ARHGAP40: variants seen among roughly 807,000 people sequenced by gnomAD.
ARHGAP40 encodes the protein rho GTPase-activating protein 40.
A neutral mutation model predicts 73.5 loss-of-function variants in ARHGAP40; 43 were observed. The observed-to-expected ratio is 0.58, with a 90% CI of 0.46 to 0.75. The LOEUF (loss-of-function observed/expected upper bound fraction) is 0.75. Ranked by LOEUF, ARHGAP40 falls within the 30% of genes least tolerant of loss-of-function variation. ARHGAP40 has a pLI of 0.00. For missense variants in ARHGAP40, 734 were observed against 861.8 expected (o/e 0.85, Z 1.86); for synonymous variants, 300 against 352.8 (o/e 0.85, Z 1.68).
intron 9 of ARHGAP40, 147 bp downstream of exon 9, chr20:38,639,533 G>A (rs2089001035): frequency 1.0e-6 from 1 of 953,476 alleles, no homozygotes; most frequent in Admixed American, 3.2e-5. Context: ...GAAGAAGCAA[G>A]TGTGAACATG....
exon 1 of ARHGAP40, chr20:38,601,862 C>T: frequency 7.8e-7 from 1 of 1,277,572 alleles, no homozygotes; most frequent in Non-Finnish European, 1.0e-6. Flanking sequence ...CCCTACCTCA[C>T]TCCTCCCTCT....
chr20:38,636,267 T>A (rs6026952), intron 6 of ARHGAP40, among the ~76,000 whole-genome samples: 7,823 of 149,954 alleles, frequency 0.052, 695 homozygotes, highest in African/African-American at 0.18. Context: ...TTTATTTATT[T>A]TTTTTTTTTT....
At chr20:38,641,848 G>T in intron 10 of ARHGAP40, 40 bp downstream of exon 10, 11 of 1,229,082 alleles carry the variant, frequency 8.9e-6, no homozygotes, top group Non-Finnish European at 1.2e-5. Context: ...TGCCATCTCA[G>T]CCCACAGCCA....
intron 5 of ARHGAP40, among the ~76,000 whole-genome samples, chr20:38,631,631 C>T (rs933230492): frequency 5.3e-5 from 8 of 152,100 alleles, no homozygotes; most frequent in African/African-American, 1.9e-4. Context: ...TGAGATTTGG[C>T]GGGGGACATA....
At chr20:38,608,708 C>T (rs557719594) in intron 1 of ARHGAP40, among the ~76,000 whole-genome samples, 9 of 151,970 alleles carry the variant, frequency 5.9e-5, no homozygotes, top group African/African-American at 1.4e-4. Context: ...GCCGTTGGGG[C>T]GGTGAAAAAG....
In ARHGAP40 at chr20:38,605,429, A is replaced by G. The variant is rs150538591; in HGVS notation, c.137+3350A>G. On this transcript the variant is annotated intron_variant, in intron 1 of 14. Coordinates refer to ENST00000373345, the Ensembl canonical transcript of ARHGAP40. The stretch of plus-strand genomic sequence containing the variant: ...AATAGAGTCAATGTTGTCATCAAAC[A>G]GAACATCCCATAATGTGAGGGGGAC... Among the ~76,000 whole-genome samples, 399 of 152,330 alleles carry G rather than the reference A, an allele frequency of 2.6e-3. 3 individuals carry two copies. Among genetic ancestry groups the G allele is most frequent in the African/African-American group, 9.0e-3 (375 of 41,574 alleles).
intron 1 of ARHGAP40, among the ~76,000 whole-genome samples, chr20:38,603,419 A>G (rs988831441): frequency 6.1e-5 from 6 of 98,334 alleles, no homozygotes; most frequent in Non-Finnish European, 1.1e-4. Flanking sequence ...CTATCTATCT[A>G]TCTATCTATC....
chr20:38,615,004 TG>T, intron 1 of ARHGAP40: 1 of 1,187,972 alleles, frequency 8.4e-7, no homozygotes, highest in Non-Finnish European at 1.3e-6. Flanking sequence ...AAAGTCCCGC[TG>T]GGGTTGATCT....
At chr20:38,632,515 C>T (rs569944864) in intron 5 of ARHGAP40, among the ~76,000 whole-genome samples, 21 of 152,048 alleles carry the variant, frequency 1.4e-4, no homozygotes, top group Admixed American at 3.3e-4. Flanking sequence ...CCAGCCTCGG[C>T]CTCCCAAAGT....
In ARHGAP40 at chr20:38,646,015, C is replaced by G. The variant is rs1341977149; in HGVS notation, c.1570-32C>G. ...TGCCTCTCGCCCCCAGAAGTCCTAT[C>G]CCCCTGCCAAAACTTGATCCTTTCT... On this transcript the variant is annotated intron_variant, in intron 11 of 14. Transcript: ENST00000373345. The surrounding 1 kb of genome is among the most constrained non-coding windows in gnomAD (Gnocchi z 4.5). 1 of 1,281,572 alleles carries G rather than the reference C, an allele frequency of 7.8e-7. No individual in the cohort carries two copies. Among genetic ancestry groups the G allele is most frequent in the African/African-American group, 1.5e-5 (1 of 65,212 alleles). 79.4% of individuals were successfully genotyped at this position (1,281,572 alleles called of 1,614,324 possible).
rs777778502 is a variant in ARHGAP40 at position 38,637,741 on chromosome 20, TGCTAGAA to T, written c.987_993del (p.Glu330ThrfsTer100). 3.1e-6 allele frequency: 4 copies of T among 1,305,218 alleles called. No homozygotes were observed. The highest frequency in any genetic ancestry group is 4.0e-6 in the Non-Finnish European group (4 of 988,936). The allele number at this position is 1,305,218 out of a possible 1,614,324, so 80.9% of individuals were successfully genotyped here. A position where few individuals can be genotyped will look rare whatever the true frequency, so the allele number is the denominator to read the frequency against. ...CTCTTTGGTGTGCCCCTTGACAGCCTGCTAGAAGCTGACCACAAAGTCCTCCCCAGCA... is the reference window on the plus strand; with the variant it reads ...CTCTTTGGTGTGCCCCTTGACAGCCTGCTGACCACAAAGTCCTCCCCAGCA... On this transcript the variant is annotated frameshift_variant, in exon 7 of 15. Coordinates refer to ENST00000373345, the Ensembl canonical transcript of ARHGAP40. LOFTEE classifies it high-confidence loss of function.
At chr20:38,621,538 T>C (rs2088873576) in intron 1 of ARHGAP40, among the ~76,000 whole-genome samples, 1 of 152,170 alleles carries the variant, frequency 6.6e-6, no homozygotes, top group Non-Finnish European at 1.5e-5. Context: ...TTGGCTGACA[T>C]GAGCCCAAAA....
At chr20:38,643,633 A>T in intron 10 of ARHGAP40, 71 bp from the exon 11 acceptor site, 3 of 1,204,526 alleles carry the variant, frequency 2.5e-6, no homozygotes, top group Non-Finnish European at 3.3e-6. Flanking sequence ...ATTCATCAGA[A>T]TGCCCTGGGG....
At chr20:38,614,841 C>G in intron 1 of ARHGAP40, 1 of 838,284 alleles carries the variant, frequency 1.2e-6, no homozygotes. Flanking sequence ...CTCTAGAGCT[C>G]CAGAACCATG....
chr20:38,638,427 C>G (rs1008764066), intron 7 of ARHGAP40, among the ~76,000 whole-genome samples: 11 of 152,038 alleles, frequency 7.2e-5, no homozygotes, highest in Non-Finnish European at 1.3e-4. Flanking sequence ...CTCAAGTGAT[C>G]CTTGGGGTGG....
chr20:38,627,106 A>G (rs2088902646), exon 3 of ARHGAP40: 1 of 1,305,440 alleles, frequency 7.7e-7, no homozygotes, highest in South Asian at 1.2e-5. Flanking sequence ...ACACAGACCC[A>G]GGTGGCCGCT....
chr20:38,623,573 C>A lies in ARHGAP40; in HGVS notation c.337+15C>A, dbSNP rs765226844. On this transcript the variant is annotated intron_variant, in intron 2 of 14. Coordinates refer to ENST00000373345, the Ensembl canonical transcript of ARHGAP40. ...GCTTCCAGAGGGTGAGAGACCCTGG[C>A]GGGGGCCTATAGGGGTGGTGGGAGG... is the stretch of plus-strand genomic sequence containing the variant. The A allele has an allele frequency of 7.8e-7, 1 of 1,280,552 alleles. No homozygotes were observed. The highest frequency in any genetic ancestry group is 1.3e-5 in the South Asian group (1 of 79,072). The allele number at this position is 1,280,552 out of a possible 1,614,324, so 79.3% of individuals were successfully genotyped here. A position where few individuals can be genotyped will look rare whatever the true frequency, so the allele number is the denominator to read the frequency against.
chr20:38,647,036 T>G (rs1447197459), exon 13 of ARHGAP40: 1 of 1,305,432 alleles, frequency 7.7e-7, no homozygotes. Context: ...AGCACCAAAG[T>G]GGCCCACGTC....
intron 9 of ARHGAP40, among the ~76,000 whole-genome samples, chr20:38,639,806 C>T (rs535773256): frequency 1.3e-5 from 2 of 152,364 alleles, no homozygotes; most frequent in South Asian, 2.1e-4. Flanking sequence ...ATGTGTTGCA[C>T]GGACCTTGCT....
Sources: gnomAD v4.1 joint callset for allele counts (sites outside exome capture counted in the v4.1 genomes callset) on GRCh38, gnomAD v4.1.1 for gene constraint, Gnocchi (gnomAD v3.1) non-coding constraint, MANE v1.5 for transcripts, NCBI Gene and HGNC (gene_info 2026-07-23, HGNC 2026-07-21) for gene names.